Variants in IL2RG observed in about 807,000 individuals in gnomAD.
IL2RG encodes the protein interleukin 2 receptor subunit gamma, also known as cytokine receptor common subunit gamma.
For synonymous variants in IL2RG, 111 were observed against 108.5 expected, an observed-to-expected ratio of 1.02 and a Z score of -0.15; for missense variants, 205 against 272.9, an observed-to-expected ratio of 0.75 and a Z score of 1.75.
In IL2RG at chrX:71,107,728, A is replaced by T; in HGVS notation, c.*8T>A. On this transcript the variant is annotated 3_prime_UTR_variant, in exon 8 of 8. Coordinates refer to ENST00000374202, the MANE Select transcript of IL2RG (RefSeq NM_000206.3). Reference sequence around the variant, plus strand: ...GACCCTGGGGTTCTTCTGTCAGAGGATTGGGGTTCAGGTTTCAGGCTTTAG... The same window carrying T: ...GACCCTGGGGTTCTTCTGTCAGAGGTTTGGGGTTCAGGTTTCAGGCTTTAG... The T allele has an allele frequency of 2.7e-6, 3 of 1,125,198 alleles. No homozygotes were observed. The highest frequency in any genetic ancestry group is 3.5e-6 in the Non-Finnish European group (3 of 852,670). The allele number at this position is 1,125,198 out of a possible 1,213,427, so 92.7% of individuals were successfully genotyped here.
chrX:71,111,369 G>C, intron 1 of IL2RG, 56 bp downstream of exon 1: 1 of 1,190,202 alleles, frequency 8.4e-7, no homozygotes. Context: ...ATCTCTGTAC[G>C]GCCCCTTCCC....
rs201840981 is a variant in IL2RG at position 71,110,562 on chromosome X, G to A, written c.396C>T (p.Leu132=). The A allele has an allele frequency of 4.1e-5, 49 of 1,209,787 alleles. No individual in the cohort carries two copies. The East Asian group carries it at 1.3e-3, about 33-fold the overall frequency. ...GTCTCCTGGGTTCCCGTGGGTCCTG[G>A]AGCTGAACAACAAATGTTTGGTAGA... is the stretch of plus-strand genomic sequence containing the variant. ...IHLYQTFVVQ[L]QDPREPRRQA... is the part of the protein sequence containing the mutation. The change falls in exon 3 of 8, where the codon CTC becomes CTT. Residue 132 remains leucine, a synonymous_variant. Coordinates refer to ENST00000374202, the MANE Select transcript of IL2RG (RefSeq NM_000206.3).
intron 1 of IL2RG, 69 bp from the exon 2 acceptor site, chrX:71,111,119 C>T (rs771322973): frequency 9.6e-5 from 99 of 1,033,430 alleles, no homozygotes; most frequent in Non-Finnish European, 1.1e-4. Context: ...AGGCCAAGCA[C>T]GGTGGCTCAT....
At chrX:71,110,054 G>A (rs776070747) in intron 4 of IL2RG, 102 bp downstream of exon 4, 84 of 909,184 alleles carry the variant, frequency 9.2e-5, no homozygotes, top group Non-Finnish European at 1.3e-4. Flanking sequence ...CTGGGAGGCA[G>A]AGAACAGGAG....
rs1393929587 is a variant in IL2RG, at chrX:71,111,028, G to A, written c.138C>T (p.Pro46=). Residue 46 remains proline, a synonymous_variant, in exon 2 of 8, where the codon CCC becomes CCT. Transcript: ENST00000374202. ...GAGTGGAAACACTGAGGGAGTCAGTGGGCATAGTGGTCAGGAAGAAATCTA... is the reference window on the plus strand; with the variant it reads ...GAGTGGAAACACTGAGGGAGTCAGTAGGCATAGTGGTCAGGAAGAAATCTA... ...TTADFFLTTM[P]TDSLSVSTLP... The A allele has an allele frequency of 8.3e-7, 1 of 1,201,838 alleles. No homozygotes were observed. The highest frequency in any genetic ancestry group is 1.7e-5 in the African/African-American group (1 of 57,498).
intron 1 of IL2RG, 75 bp from the exon 2 acceptor site, chrX:71,111,125 C>A: frequency 9.9e-7 from 1 of 1,007,860 alleles, no homozygotes; most frequent in Non-Finnish European, 1.4e-6. Context: ...AGCACGGTGG[C>A]TCATGTCTGT....
rs2092262735 is a variant in IL2RG at position 71,111,042 on chromosome X, G to A, written c.124C>T (p.Leu42=). The A allele has an allele frequency of 3.3e-6, 4 of 1,195,169 alleles. No homozygotes were observed. Among genetic ancestry groups the A allele is most frequent in the African/African-American group, 1.8e-5 (1 of 56,530 alleles). ...GNEDTTADFF[L]TTMPTDSLSV... Reference sequence around the variant, plus strand: ...AGGGAGTCAGTGGGCATAGTGGTCAGGAAGAAATCTAGATTGGGGAGAAAA... The same window carrying A: ...AGGGAGTCAGTGGGCATAGTGGTCAAGAAGAAATCTAGATTGGGGAGAAAA... The change falls in exon 2 of 8, where the codon CTG becomes TTG. Residue 42 remains leucine, a synonymous_variant. Coordinates refer to ENST00000374202, the MANE Select transcript of IL2RG (RefSeq NM_000206.3).
Position 71,107,596 on chromosome X carries a change from G to T in IL2RG, c.*140C>A. 1 of 362,046 alleles carries T rather than the reference G, an allele frequency of 2.8e-6. No individual in the cohort carries two copies. Among genetic ancestry groups the T allele is most frequent in the South Asian group, 1.1e-4 (1 of 9,007 alleles). 29.8% of individuals were successfully genotyped at this position (362,046 alleles called of 1,213,427 possible). ...CAAGTGGGGAATGCCAAATGAAGGG[G>T]TGCTTACATGGGGGCACAAAATTCC... On this transcript the variant is annotated 3_prime_UTR_variant, in exon 8 of 8. Transcript: ENST00000374202.
intron 3 of IL2RG, 103 bp from the exon 4 acceptor site, chrX:71,110,398 A>G: frequency 9.0e-7 from 1 of 1,105,800 alleles, no homozygotes; most frequent in South Asian, 1.8e-5. Flanking sequence ...ATGATCCCCT[A>G]CCTCCTCTTT....
chrX:71,111,359 A>G (rs772334019), intron 1 of IL2RG, 66 bp downstream of exon 1: 1 of 1,176,969 alleles, frequency 8.5e-7, no homozygotes, highest in Admixed American at 2.4e-5. Flanking sequence ...CAGGCACCAG[A>G]TCTCTGTACG....
At chrX:71,108,039 T>A (rs773109060) in intron 7 of IL2RG, 118 bp from the exon 8 acceptor site, 1 of 612,429 alleles carries the variant, frequency 1.6e-6, no homozygotes, top group East Asian at 3.5e-5. Context: ...ACAGAAGGGA[T>A]ACACAGGCTC....
Position 71,111,483 on chromosome X carries a change from C to T in IL2RG, c.57G>A (p.Leu19=). 1 of 1,210,000 alleles carries T rather than the reference C, an allele frequency of 8.3e-7. No homozygotes were observed. Among genetic ancestry groups the T allele is most frequent in the Non-Finnish European group, 1.1e-6 (1 of 894,097 alleles). Residue 19 remains leucine, a synonymous_variant, in exon 1 of 8, where the codon CTG becomes CTA. Transcript: ENST00000374202. Reference sequence around the variant, plus strand: ...GAATTGTCGTGTTCAGCCCCACTCCCAGCAGGGGCAGCTGCAGGAATAAGA... The same window carrying T: ...GAATTGTCGTGTTCAGCCCCACTCCTAGCAGGGGCAGCTGCAGGAATAAGA... The part of the protein sequence containing the change: ...TSLLFLQLPL[L]GVGLNTTILT...
At chrX:71,108,194 C>G (rs2092255144) in intron 7 of IL2RG, 83 bp downstream of exon 7, 1 of 729,459 alleles carries the variant, frequency 1.4e-6, no homozygotes, top group Admixed American at 2.3e-5. Context: ...CTCCTCTCTG[C>G]CCCCACCCCC....
At chrX:71,111,361 C>G (rs1270852991) in intron 1 of IL2RG, 64 bp downstream of exon 1, 1 of 1,180,529 alleles carries the variant, frequency 8.5e-7, no homozygotes, top group East Asian at 3.0e-5. Flanking sequence ...GGCACCAGAT[C>G]TCTGTACGGC....
intron 5 of IL2RG, 33 bp downstream of exon 5, chrX:71,109,195 G>A: frequency 8.4e-7 from 1 of 1,193,643 alleles, no homozygotes; most frequent in Middle Eastern, 3.0e-4. Context: ...GGGGTGTTGG[G>A]CTCATGGATT....
chrX:71,109,419 G>A, intron 4 of IL2RG, 29 bp from the exon 5 acceptor site: 1 of 1,178,932 alleles, frequency 8.5e-7, no homozygotes, highest in Non-Finnish European at 1.2e-6. Context: ...GAGGGAAAGT[G>A]GGTGTCTATG....
Position 71,111,013 on chromosome X carries a change from A to T in IL2RG, c.153T>A (p.Ser51Arg). ...CCTCTGGGAGGGGCAGAGTGGAAACACTGAGGGAGTCAGTGGGCATAGTGG... is the reference window on the plus strand; with the variant it reads ...CCTCTGGGAGGGGCAGAGTGGAAACTCTGAGGGAGTCAGTGGGCATAGTGG... ...FLTTMPTDSL[S>R]VSTLPLPEVQ... The change falls in exon 2 of 8, where the codon AGT becomes AGA. Residue 51 changes from serine to arginine, a missense_variant. Physicochemically the swap from Ser to Arg is moderately radical, Grantham distance 110. Transcript: ENST00000374202. The T allele has an allele frequency of 7.5e-6, 9 of 1,205,429 alleles. No individual in the cohort carries two copies. Among genetic ancestry groups the T allele is most frequent in the Non-Finnish European group, 1.0e-5 (9 of 891,558 alleles).
intron 2 of IL2RG, 95 bp from the exon 3 acceptor site, chrX:71,110,783 A>G (rs2092262037): frequency 7.3e-6 from 8 of 1,095,414 alleles, no homozygotes; most frequent in Non-Finnish European, 1.0e-5. Flanking sequence ...CAACCGACTT[A>G]TGACTTACCC....
At chrX:71,111,144 T>G in intron 1 of IL2RG, 94 bp from the exon 2 acceptor site, 1 of 941,302 alleles carries the variant, frequency 1.1e-6, no homozygotes. Flanking sequence ...GTAATCCTGG[T>G]GCTTTGAAAG....
Sources: allele counts gnomAD v4.1 joint callset, GRCh38; gene constraint gnomAD v4.1.1; transcripts MANE v1.5; gene names NCBI Gene and HGNC (gene_info 2026-07-23, HGNC 2026-07-21).